Variants in OR2L13 observed in about 807,000 individuals in gnomAD.
OR2L13 encodes the protein olfactory receptor family 2 subfamily L member 13, also known as olfactory receptor 2L13.
Under a neutral mutation model 15.3 loss-of-function variants are expected in OR2L13, and 14 were observed. The observed-to-expected ratio is 0.91, with a 90% CI of 0.60 to 1.43. OR2L13 has a LOEUF of 1.43. OR2L13 is among the 40% of genes most tolerant of loss of function. The pLI is 0.00. For synonymous variants in OR2L13, 152 were observed against 142.9 expected (o/e 1.06, Z -0.45); for missense variants, 367 against 387.9 (o/e 0.95, Z 0.45).
chr1:248,093,660 G>A (rs1664651468), upstream of OR2L13, among the ~76,000 whole-genome samples: 1 of 152,060 alleles, frequency 6.6e-6, no homozygotes, highest in African/African-American at 2.4e-5. Context: ...TAGGACAAAG[G>A]GTGCCAAGAT....
At chr1:247,989,051 C>G in the OR2L13 span, among the ~76,000 whole-genome samples, 1 of 151,990 alleles carries the variant, frequency 6.6e-6, no homozygotes, top group African/African-American at 2.4e-5. Context: ...GTAAAATGAA[C>G]TTGGCATATA....
the OR2L13 span, among the ~76,000 whole-genome samples, chr1:247,950,575 A>G: frequency 6.6e-6 from 1 of 152,194 alleles, no homozygotes; most frequent in Non-Finnish European, 1.5e-5. Context: ...AGCACCTTAT[A>G]TTGAAGAGAC....
the OR2L13 span, among the ~76,000 whole-genome samples, chr1:248,047,085 G>A: frequency 1.3e-5 from 2 of 152,154 alleles, no homozygotes; most frequent in Admixed American, 6.5e-5. Flanking sequence ...ATTCATAAAT[G>A]TGTTTTCTGG....
the OR2L13 span, chr1:248,060,843 C>A: frequency 2.5e-6 from 4 of 1,613,988 alleles, no homozygotes; most frequent in Non-Finnish European, 2.5e-6. Flanking sequence ...ACACCCATCT[C>A]CACACACCCA....
At chr1:248,049,948 A>C in the OR2L13 span, among the ~76,000 whole-genome samples, 6 of 152,326 alleles carry the variant, frequency 3.9e-5, no homozygotes, top group South Asian at 8.3e-4. Context: ...TTGTGGATCT[A>C]GAGGAGTTTA....
chr1:247,965,590 A>C, the OR2L13 span: 2 of 1,589,050 alleles, frequency 1.3e-6, no homozygotes, highest in Non-Finnish European at 1.7e-6. Context: ...CGTTGACCTC[A>C]TGTACATCTC....
chr1:248,001,927 A>G, the OR2L13 span, among the ~76,000 whole-genome samples: 1 of 152,176 alleles, frequency 6.6e-6, no homozygotes, highest in African/African-American at 2.4e-5. Context: ...TCTGTAAAAT[A>G]CAAATGATAG....
chr1:248,043,515 A>T, the OR2L13 span, among the ~76,000 whole-genome samples: 1 of 152,198 alleles, frequency 6.6e-6, no homozygotes, highest in Non-Finnish European at 1.5e-5. Context: ...TGTATTTCTC[A>T]AGCAGGCCAA....
the OR2L13 span, among the ~76,000 whole-genome samples, chr1:248,006,067 C>T: frequency 1.3e-5 from 2 of 152,088 alleles, no homozygotes; most frequent in Non-Finnish European, 2.9e-5. Context: ...GGAAAATAGG[C>T]CTCCCATCAG....
At chr1:247,949,172 A>G in the OR2L13 span, 9 of 1,614,004 alleles carry the variant, frequency 5.6e-6, no homozygotes, top group Admixed American at 1.7e-5. Flanking sequence ...TCTTCTTGGC[A>G]TTAGGAGGTG....
chr1:247,979,314 C>T, the OR2L13 span, among the ~76,000 whole-genome samples: 1 of 152,082 alleles, frequency 6.6e-6, no homozygotes, highest in African/African-American at 2.4e-5. Flanking sequence ...CTCCCTCAGG[C>T]CACCACCCCC....
chr1:248,031,621 G>A, the OR2L13 span, among the ~76,000 whole-genome samples: 1 of 152,182 alleles, frequency 6.6e-6, no homozygotes, highest in Non-Finnish European at 1.5e-5. Context: ...GAGCTGGGCT[G>A]TAAATTGAGG....
At chr1:248,017,948 C>T in the OR2L13 span, among the ~76,000 whole-genome samples, 8 of 152,078 alleles carry the variant, frequency 5.3e-5, no homozygotes, top group Admixed American at 5.2e-4. Context: ...TCGAGACCAT[C>T]CTGGCTAACA....
the OR2L13 span, among the ~76,000 whole-genome samples, chr1:247,954,865 A>G: frequency 6.6e-6 from 1 of 152,114 alleles, no homozygotes; most frequent in Non-Finnish European, 1.5e-5. Context: ...CAAAATTACA[A>G]TTATGTATAC....
the OR2L13 span, among the ~76,000 whole-genome samples, chr1:248,079,849 C>G: frequency 6.6e-6 from 1 of 152,160 alleles, no homozygotes; most frequent in South Asian, 2.1e-4. Flanking sequence ...AGAAAAACCA[C>G]AAAATAAAAG....
chr1:248,097,593 T>C (rs1306489442), intron 1 of OR2L13, among the ~76,000 whole-genome samples: 2 of 152,176 alleles, frequency 1.3e-5, no homozygotes, highest in Non-Finnish European at 2.9e-5. Context: ...GTAACTGCCA[T>C]AAAACAATCT....
chr1:248,038,396 C>A, the OR2L13 span: 1 of 1,613,584 alleles, frequency 6.2e-7, no homozygotes, highest in Non-Finnish European at 8.5e-7. Context: ...GAAATCTATC[C>A]ATGATTCTTC....
the OR2L13 span, among the ~76,000 whole-genome samples, chr1:248,069,790 G>C: frequency 6.6e-6 from 1 of 151,902 alleles, no homozygotes; most frequent in East Asian, 1.9e-4. Context: ...ATCTACCAGG[G>C]AAATGGAAAA....
the OR2L13 span, among the ~76,000 whole-genome samples, chr1:248,067,868 C>T: frequency 0.027 from 4,065 of 152,338 alleles, 167 homozygotes; most frequent in African/African-American, 0.09. Context: ...CGGAGGGTCC[C>T]ACGCCCACAG....
Sources: allele counts gnomAD v4.1 joint callset (sites outside exome capture counted in the v4.1 genomes callset), GRCh38; gene constraint gnomAD v4.1.1; transcripts MANE v1.5; gene names NCBI Gene and HGNC (gene_info 2026-07-23, HGNC 2026-07-21).